PLB1: variants seen among roughly 807,000 people sequenced by gnomAD.
The protein encoded by PLB1 is phospholipase B1, membrane-associated.
Under a neutral mutation model 227.4 loss-of-function variants are expected in PLB1, and 242 were observed. That is an observed-to-expected ratio of 1.06 (90% CI 0.96 to 1.18). The LOEUF is 1.18. Among genes scored for constraint, PLB1 ranks in the 50% most tolerant of loss-of-function variants. The pLI is 0.00. For missense variants in PLB1, 1,858 were observed against 1,816.3 expected (o/e 1.02, Z -0.42); for synonymous variants, 757 against 682.2 (o/e 1.11, Z -1.71).
chr2:28,640,071 CAG>C (rs1168339371), intron 56 of PLB1, among the ~76,000 whole-genome samples: 1 of 152,222 alleles, frequency 6.6e-6, no homozygotes, highest in East Asian at 1.9e-4. Context: ...CTTCAGACAA[CAG>C]AAAGTGAGAT....
chr2:28,641,378 C>T (rs1005374992), intron 57 of PLB1, among the ~76,000 whole-genome samples: 3 of 152,276 alleles, frequency 2.0e-5, no homozygotes, highest in Non-Finnish European at 2.9e-5. Context: ...GAGGCCGAGG[C>T]GGTCAGATCA....
At chr2:28,499,056 G>C (rs1365939193) in intron 1 of PLB1, among the ~76,000 whole-genome samples, 1 of 151,406 alleles carries the variant, frequency 6.6e-6, no homozygotes, top group African/African-American at 2.4e-5. Flanking sequence ...TTTATTCCTA[G>C]GTTTAGATAT....
chr2:28,608,894 G>T (rs940809620), intron 43 of PLB1, among the ~76,000 whole-genome samples: 1 of 151,508 alleles, frequency 6.6e-6, no homozygotes, highest in East Asian at 1.9e-4. Flanking sequence ...CAATTTTCAT[G>T]TCTCCATTCT....
chr2:28,496,269 A>G, intron 1 of PLB1, 100 bp downstream of exon 1: 1 of 1,197,516 alleles, frequency 8.4e-7, no homozygotes, highest in Non-Finnish European at 1.2e-6. Context: ...TGTGCTTTTG[A>G]AGAGATAAAG....
At chr2:28,572,226 C>T (rs1437404989) in intron 20 of PLB1, among the ~76,000 whole-genome samples, 5 of 152,168 alleles carry the variant, frequency 3.3e-5, no homozygotes, top group African/African-American at 1.2e-4. Flanking sequence ...CATCCACTAG[C>T]ATGGTTATAA....
intron 14 of PLB1, among the ~76,000 whole-genome samples, chr2:28,548,227 G>A (rs996071313): frequency 3.3e-5 from 5 of 152,170 alleles, no homozygotes; most frequent in Admixed American, 2.6e-4. Context: ...ATTCTCTATT[G>A]TGCGCAGATT....
At chr2:28,613,189 C>T (rs1233094929) in intron 43 of PLB1, among the ~76,000 whole-genome samples, 6 of 152,100 alleles carry the variant, frequency 3.9e-5, no homozygotes, top group African/African-American at 1.2e-4. Context: ...CCTCCCAAAA[C>T]GCTGGGAATA....
intron 24 of PLB1, 57 bp downstream of exon 24, chr2:28,582,190 AGCTCTGGCATCCT>A: frequency 6.4e-7 from 1 of 1,557,244 alleles, no homozygotes; most frequent in East Asian, 2.2e-5. Context: ...GCCTAGAGGA[AGCTCTGGCATCCT>A]GCTGAGACCT....
At chr2:28,520,893 T>C (rs1398444068) in intron 4 of PLB1, among the ~76,000 whole-genome samples, 1 of 152,174 alleles carries the variant, frequency 6.6e-6, no homozygotes, top group Non-Finnish European at 1.5e-5. Context: ...GAGAATCGCT[T>C]GAACCCAGGA....
At chr2:28,586,539 C>A (rs1319994830) in intron 26 of PLB1, among the ~76,000 whole-genome samples, 1 of 152,122 alleles carries the variant, frequency 6.6e-6, no homozygotes, top group Non-Finnish European at 1.5e-5. Flanking sequence ...CTGCAAACAG[C>A]TACCAGAGTG....
At chr2:28,600,032 C>A (rs1645966015) in intron 35 of PLB1, among the ~76,000 whole-genome samples, 1 of 152,148 alleles carries the variant, frequency 6.6e-6, no homozygotes, top group African/African-American at 2.4e-5. Context: ...CTCAGCCTCC[C>A]TAGTAGTTGG....
Position 28,589,487 on chromosome 2 carries a change from A to T in PLB1, c.1853A>T (p.Asp618Val). The T allele has an allele frequency of 6.2e-7, 1 of 1,614,182 alleles. No homozygotes were observed. The highest frequency in any genetic ancestry group is 1.1e-5 in the South Asian group (1 of 91,090). ...THQLIESGRYDTREDFTVVVQ... is the reference protein window; with the variant it reads ...THQLIESGRYVTREDFTVVVQ... ...CAACTGATTGAGAGTGGGCGATATG[A>T]CACAAGGGAAGATTTTACTGTGGTT... Residue 618 changes from aspartate to valine, a missense_variant, in exon 27 of 58, where the codon GAC becomes GTC. Transcript: ENST00000327757.
chr2:28,540,507 G>T (rs11127162), intron 12 of PLB1, 66 bp downstream of exon 12: 569,171 of 1,321,344 alleles, frequency 0.43, 125,218 homozygotes, highest in South Asian at 0.49. Context: ...AGGAGAACAG[G>T]AGTGATAGGG....
chr2:28,528,012 G>A (rs1281290382), intron 6 of PLB1, among the ~76,000 whole-genome samples: 2 of 152,162 alleles, frequency 1.3e-5, no homozygotes, highest in Non-Finnish European at 2.9e-5. Context: ...CACTACAGGT[G>A]GAAAAGTGTT....
At chr2:28,509,720 G>A (rs145691078) in intron 1 of PLB1, among the ~76,000 whole-genome samples, 167 of 152,272 alleles carry the variant, frequency 1.1e-3, no homozygotes, top group African/African-American at 3.9e-3. Context: ...AGAGTTCAAA[G>A]CCCTTCATAT....
rs1442602566 is a variant in PLB1, at chr2:28,629,105, T to G, written c.3738T>G (p.Ala1246=). ...LDILSEELPR[A]FVNVVEVMEL... ...TCCACTCCCTGCAGCTCCCAAGGGC[T>G]TTCGTCAACGTGGTGGAGGTCATGG... Residue 1246 remains alanine (A), a synonymous_variant, in exon 53 of 58, where the codon GCT becomes GCG. Transcript: ENST00000327757. 6.2e-7 allele frequency: 1 copy of G among 1,613,570 alleles called. No homozygotes were observed. The highest frequency in any genetic ancestry group is 1.3e-5 in the African/African-American group (1 of 74,902).
chr2:28,589,021 C>T (rs543683650), intron 26 of PLB1, among the ~76,000 whole-genome samples: 3,552 of 151,688 alleles, frequency 0.023, 156 homozygotes, highest in African/African-American at 0.082. Context: ...AAAAATTAGC[C>T]AGGCGTGGTG....
chr2:28,585,849 C>T lies in PLB1; in HGVS notation c.1815+7C>T, dbSNP rs374669005. 39 of 1,592,528 alleles carry T rather than the reference C, an allele frequency of 2.4e-5. No individual in the cohort carries two copies. Among genetic ancestry groups the T allele is most frequent in the South Asian group, 1.1e-4 (10 of 90,620 alleles). ...ATTCAACAAGAAGTTTCAGGTAAGC[C>T]GGGAAGGGGTTCTAAGACTTCCCAG... On this transcript the variant is annotated splice_region_variant and intron_variant, in intron 26 of 57. Coordinates refer to ENST00000327757, the MANE Select transcript of PLB1 (RefSeq NM_153021.5).
intron 49 of PLB1, among the ~76,000 whole-genome samples, chr2:28,621,190 C>T (rs77976888): frequency 2.1e-3 from 315 of 152,286 alleles, no homozygotes; most frequent in African/African-American, 6.9e-3. Context: ...CAAGATTATC[C>T]AGCAAGTTAT....
Sources: allele counts gnomAD v4.1 joint callset (sites outside exome capture counted in the v4.1 genomes callset), GRCh38; gene constraint gnomAD v4.1.1; transcripts MANE v1.5; gene names NCBI Gene and HGNC (gene_info 2026-07-23, HGNC 2026-07-21).